DAB1: variants seen among roughly 807,000 people sequenced by gnomAD.
The protein encoded by DAB1 is disabled homolog 1.
Under a neutral mutation model 64.6 loss-of-function variants are expected in DAB1, and 15 were observed. That is an observed-to-expected ratio of 0.23 (90% CI 0.16 to 0.36). The LOEUF (loss-of-function observed/expected upper bound fraction) is 0.36. Ranked by LOEUF, DAB1 falls within the 10% of genes least tolerant of loss-of-function variation. DAB1 has a pLI of 1.00. For missense variants in DAB1, 596 were observed against 706.7 expected, an observed-to-expected ratio of 0.84 and a Z score of 1.78; for synonymous variants, 235 against 251.9, an observed-to-expected ratio of 0.93 and a Z score of 0.64.
At chr1:57,681,956 T>C (rs775001143) in intron 6 of DAB1, among the ~76,000 whole-genome samples, 5 of 152,128 alleles carry the variant, frequency 3.3e-5, no homozygotes, top group Non-Finnish European at 5.9e-5. Context: ...TGCTTGGTTG[T>C]CTCAGCAACA....
At chr1:58,472,262 A>G (rs1457326954) in intron 3 of DAB1, among the ~76,000 whole-genome samples, 1 of 152,166 alleles carries the variant, frequency 6.6e-6, no homozygotes, top group Admixed American at 6.5e-5. Context: ...TAGGGAATGT[A>G]CCCTATGGAG....
intron 5 of DAB1, among the ~76,000 whole-genome samples, chr1:58,001,357 G>A (rs1646504228): frequency 6.6e-6 from 1 of 152,078 alleles, no homozygotes; most frequent in East Asian, 1.9e-4. Context: ...TCCACCTCCC[G>A]GGTTCAAGCA....
At chr1:58,489,832 G>A (rs149971045) in intron 3 of DAB1, among the ~76,000 whole-genome samples, 2,257 of 152,262 alleles carry the variant, frequency 0.015, 46 homozygotes, top group East Asian at 0.12. Context: ...AGGCAAACAG[G>A]GTCTGGAGTG....
intron 1 of DAB1, among the ~76,000 whole-genome samples, chr1:57,399,437 C>T (rs1393784760): frequency 2.6e-5 from 4 of 152,126 alleles, no homozygotes; most frequent in Non-Finnish European, 5.9e-5. Flanking sequence ...TTCAAACCTG[C>T]GATTCTAGGC....
At chr1:57,737,683 C>T (rs1163310034) in intron 6 of DAB1, among the ~76,000 whole-genome samples, 1 of 152,098 alleles carries the variant, frequency 6.6e-6, no homozygotes, top group Non-Finnish European at 1.5e-5. Flanking sequence ...TGGACCATCC[C>T]CTTGATGCTT....
At chr1:57,085,430 C>T (rs184844278) in intron 4 of DAB1, among the ~76,000 whole-genome samples, 7 of 152,198 alleles carry the variant, frequency 4.6e-5, no homozygotes, top group Non-Finnish European at 8.8e-5. Context: ...GCATCAAATA[C>T]TGCCCGCTAC....
chr1:57,733,008 C>T lies in DAB1; in HGVS notation n.552-83343G>A, dbSNP rs547801888. On this transcript the variant is annotated intron_variant and non_coding_transcript_variant, in intron 6 of 20. Transcript: ENST00000485760. ...TATGTAGACAGTTCTGTAGAGAGTACAATATGACTAGGTGCCTACTCTTTC... is the reference window on the plus strand; with the variant it reads ...TATGTAGACAGTTCTGTAGAGAGTATAATATGACTAGGTGCCTACTCTTTC... Among the ~76,000 whole-genome samples, 156 of 152,194 alleles carry T rather than the reference C, an allele frequency of 1.0e-3. 1 individual carries two copies. The highest frequency in any genetic ancestry group is 1.1e-3 in the Non-Finnish European group (77 of 68,024).
Position 58,419,138 on chromosome 1 carries a change from GC to G in DAB1, n.258-75736del, listed in dbSNP as rs1488622188. Among the ~76,000 whole-genome samples, 6 of 152,104 alleles carry G rather than the reference GC, an allele frequency of 3.9e-5. 1 individual carries two copies. The highest frequency in any genetic ancestry group is 3.9e-4 in the Admixed American group (6 of 15,270). Reference sequence around the variant, plus strand: ...TTTATCTTTACCAGCTCAGCTTCCAGCCCCATGTTTATGAAAACTCAGAGGC... The same window carrying G: ...TTTATCTTTACCAGCTCAGCTTCCAGCCCATGTTTATGAAAACTCAGAGGC... On this transcript the variant is annotated intron_variant and non_coding_transcript_variant, in intron 3 of 20. Transcript: ENST00000485760.
chr1:58,206,141 C>T (rs1165282294), intron 4 of DAB1, among the ~76,000 whole-genome samples: 2 of 152,154 alleles, frequency 1.3e-5, no homozygotes, highest in Admixed American at 6.5e-5. Flanking sequence ...GGTCGAGGCA[C>T]GGCTTGGTTT....
At chr1:57,817,921 C>T (rs1408494238) in intron 6 of DAB1, among the ~76,000 whole-genome samples, 1 of 152,180 alleles carries the variant, frequency 6.6e-6, no homozygotes, top group Non-Finnish European at 1.5e-5. Flanking sequence ...ATCACACTGT[C>T]TTAGGGAGGG....
intron 3 of DAB1, among the ~76,000 whole-genome samples, chr1:58,424,701 G>T (rs1474530271): frequency 6.6e-6 from 1 of 152,212 alleles, no homozygotes; most frequent in Non-Finnish European, 1.5e-5. Flanking sequence ...GTTTTGGGAT[G>T]AAGGAATGGG....
intron 8 of DAB1, among the ~76,000 whole-genome samples, chr1:57,065,376 C>T (rs1452520566): frequency 1.3e-5 from 2 of 152,154 alleles, no homozygotes; most frequent in Non-Finnish European, 2.9e-5. Context: ...GATATGGCCC[C>T]TGATTTAACA....
At chr1:57,018,291 A>C (rs1157829521) in intron 11 of DAB1, among the ~76,000 whole-genome samples, 1 of 152,158 alleles carries the variant, frequency 6.6e-6, no homozygotes, top group Non-Finnish European at 1.5e-5. Flanking sequence ...GTGTAGCCAC[A>C]TGACACTTCT....
intron 1 of DAB1, among the ~76,000 whole-genome samples, chr1:57,844,793 A>G (rs186578717): frequency 2.0e-3 from 302 of 152,210 alleles, no homozygotes; most frequent in African/African-American, 7.0e-3. Context: ...CCCCTTCTTC[A>G]GGCTGTATAC....
At chr1:57,687,357 G>C (rs1396026006) in intron 6 of DAB1, among the ~76,000 whole-genome samples, 2 of 151,882 alleles carry the variant, frequency 1.3e-5, no homozygotes, top group Admixed American at 6.6e-5. Context: ...TCTACAAGGG[G>C]AACAGCAAAA....
chr1:57,291,052 T>C lies in DAB1; in HGVS notation c.-22A>G. On this transcript the variant is annotated 5_prime_UTR_variant, in exon 2 of 15. Transcript: ENST00000371236. ...ACATCCTACTTAATCCTTAGTCCAC[T>C]TCACACAGATCCCGGGCCTCGGCCA... 2 of 1,584,308 alleles carry C rather than the reference T, an allele frequency of 1.3e-6. No individual in the cohort carries two copies. The highest frequency in any genetic ancestry group is 1.7e-6 in the Non-Finnish European group (2 of 1,161,170).
At chr1:58,519,840 G>C (rs984502748) in intron 2 of DAB1, among the ~76,000 whole-genome samples, 4 of 152,108 alleles carry the variant, frequency 2.6e-5, no homozygotes, top group Non-Finnish European at 5.9e-5. Flanking sequence ...TTATAAAAGA[G>C]CATCAAAGGG....
intron 3 of DAB1, among the ~76,000 whole-genome samples, chr1:58,453,170 G>A (rs849479): frequency 0.058 from 8,747 of 152,066 alleles, 302 homozygotes; most frequent in African/African-American, 0.089. Flanking sequence ...ATGACCTTCC[G>A]GAAAAGGTAA....
intron 2 of DAB1, among the ~76,000 whole-genome samples, chr1:57,286,493 T>A (rs1408071094): frequency 6.6e-6 from 1 of 152,230 alleles, no homozygotes; most frequent in Non-Finnish European, 1.5e-5. Flanking sequence ...GAAGGCCAGT[T>A]TAAGGATGTA....
Sources: gnomAD v4.1 joint callset for allele counts (sites outside exome capture counted in the v4.1 genomes callset) on GRCh38, gnomAD v4.1.1 for gene constraint, MANE v1.5 for transcripts, NCBI Gene and HGNC (gene_info 2026-07-23, HGNC 2026-07-21) for gene names.